Variants in TIAM1 observed in about 807,000 individuals in gnomAD.
TIAM1 encodes the protein rho guanine nucleotide exchange factor TIAM1.
TIAM1 carries 65 observed loss-of-function variants against 163.5 expected under a neutral mutation model. The observed-to-expected ratio is 0.40, with a 90% CI of 0.33 to 0.49. TIAM1 has a LOEUF of 0.49. Among genes scored for constraint, TIAM1 ranks in the 20% least tolerant of loss-of-function variants. TIAM1 has a pLI of 0.77. For synonymous variants in TIAM1, 833 were observed against 810.1 expected (o/e 1.03, Z -0.48); for missense variants, 1,789 against 2,044.7 (o/e 0.87, Z 2.41).
At chr21:31,437,580 A>G (rs1023589268) in intron 2 of TIAM1, among the ~76,000 whole-genome samples, 2 of 151,962 alleles carry the variant, frequency 1.3e-5, no homozygotes, top group Admixed American at 6.6e-5. Flanking sequence ...ATGTTGAATT[A>G]TAATCCCCAA....
chr21:31,203,155 T>C, intron 11 of TIAM1, 143 bp from the exon 12 acceptor site: 2 of 728,060 alleles, frequency 2.7e-6, no homozygotes, highest in South Asian at 3.7e-5. Context: ...GGAGTTTCAC[T>C]CTTGTTGCCC....
intron 2 of TIAM1, among the ~76,000 whole-genome samples, chr21:31,307,274 C>T (rs1275362139): frequency 6.6e-6 from 1 of 152,192 alleles, no homozygotes; most frequent in Non-Finnish European, 1.5e-5. Flanking sequence ...CTTGTCCTCA[C>T]CAGAGTATCC....
At chr21:31,552,701 T>C (rs1052154792) in intron 1 of TIAM1, among the ~76,000 whole-genome samples, 2 of 151,970 alleles carry the variant, frequency 1.3e-5, no homozygotes. Flanking sequence ...ACCTGGGAGA[T>C]GGAGGTTGCA....
intron 2 of TIAM1, among the ~76,000 whole-genome samples, chr21:31,430,335 C>G (rs2043981797): frequency 1.3e-5 from 2 of 150,932 alleles, no homozygotes; most frequent in Non-Finnish European, 2.9e-5. Flanking sequence ...ATGCGCCTCA[C>G]CGAACCCAAA....
At position 31,153,897 on chromosome 21, in the gene TIAM1, C is replaced by CA. The variant is rs58362576; in HGVS notation, c.3171+349dup. 3.2e-3 allele frequency among the ~76,000 whole-genome samples: 473 copies of CA among 149,708 alleles called. 10 individuals carry two copies. Among genetic ancestry groups the CA allele is most frequent in the South Asian group, 0.011 (50 of 4,730 alleles). The stretch of plus-strand genomic sequence containing the variant: ...GCAACATGGTGAAACCTCCTCTCTA[C>CA]AAAAAAAAACAGAAAACGGGGCTGG... On this transcript the variant is annotated intron_variant, in intron 17 of 27. Coordinates refer to ENST00000541036, the MANE Select transcript of TIAM1 (RefSeq NM_001353694.2).
chr21:31,201,119 C>A (rs1465699076), intron 12 of TIAM1, among the ~76,000 whole-genome samples: 1 of 152,194 alleles, frequency 6.6e-6, no homozygotes, highest in Non-Finnish European at 1.5e-5. Flanking sequence ...CCTGGTTAGG[C>A]ATGATCCCTA....
At chr21:31,166,356 G>A (rs2084215724) in intron 15 of TIAM1, among the ~76,000 whole-genome samples, 1 of 152,192 alleles carries the variant, frequency 6.6e-6, no homozygotes, top group African/African-American at 2.4e-5. Context: ...AGGAGCCCCT[G>A]ATGCTTTAGA....
chr21:31,142,771 G>A (rs996604947), intron 20 of TIAM1, among the ~76,000 whole-genome samples: 2 of 152,144 alleles, frequency 1.3e-5, no homozygotes, highest in African/African-American at 4.8e-5. Context: ...AAGTTAACTC[G>A]GTGGCACCAC....
intron 22 of TIAM1, among the ~76,000 whole-genome samples, chr21:31,139,157 C>T (rs906895472): frequency 6.6e-6 from 1 of 152,220 alleles, no homozygotes; most frequent in Middle Eastern, 3.2e-3. Context: ...GACTTCTGAT[C>T]ATATTCATCT....
intron 3 of TIAM1, among the ~76,000 whole-genome samples, chr21:31,272,155 C>G (rs1172618845): frequency 6.6e-6 from 1 of 152,122 alleles, no homozygotes; most frequent in Non-Finnish European, 1.5e-5. Context: ...TCATCTGACA[C>G]AAAGCGTATT....
At chr21:31,444,997 T>TAA (rs10711431) in intron 2 of TIAM1, among the ~76,000 whole-genome samples, 1 of 147,170 alleles carries the variant, frequency 6.8e-6, no homozygotes. Flanking sequence ...AAATTACATC[T>TAA]AAAAAAAAAA....
At chr21:31,490,961 C>G (rs948753825) in intron 1 of TIAM1, among the ~76,000 whole-genome samples, 2 of 152,138 alleles carry the variant, frequency 1.3e-5, no homozygotes, top group African/African-American at 2.4e-5. Flanking sequence ...CCCGTCTCTA[C>G]TAAAAATACA....
At chr21:31,341,426 G>C (rs2076011332) in intron 1 of TIAM1, among the ~76,000 whole-genome samples, 1 of 152,226 alleles carries the variant, frequency 6.6e-6, no homozygotes, top group African/African-American at 2.4e-5. Context: ...TCAGACTCAT[G>C]CATTAAATAT....
chr21:31,458,010 C>G (rs908300102), intron 2 of TIAM1, among the ~76,000 whole-genome samples: 2 of 152,206 alleles, frequency 1.3e-5, no homozygotes, highest in Non-Finnish European at 2.9e-5. Flanking sequence ...TGTTACCCAA[C>G]TAAAACTGTA....
intron 19 of TIAM1, 113 bp downstream of exon 19, chr21:31,152,523 C>A: frequency 1.4e-6 from 2 of 1,424,970 alleles, no homozygotes; most frequent in Middle Eastern, 1.8e-4. Flanking sequence ...CTCTCAGACA[C>A]CCTTAGGAAC....
intron 1 of TIAM1, among the ~76,000 whole-genome samples, chr21:31,526,960 C>T (rs557049464): frequency 6.6e-6 from 1 of 152,244 alleles, no homozygotes; most frequent in African/African-American, 2.4e-5. Context: ...CCTCAGCCTC[C>T]CAAAGTGCTG....
At chr21:31,267,801 G>A (rs1342640843) in intron 3 of TIAM1, among the ~76,000 whole-genome samples, 1 of 152,146 alleles carries the variant, frequency 6.6e-6, no homozygotes, top group Non-Finnish European at 1.5e-5. Context: ...ATTTCTGGGA[G>A]CAAATCCAAC....
intron 7 of TIAM1, among the ~76,000 whole-genome samples, chr21:31,224,707 G>A (rs2211881): frequency 0.23 from 34,485 of 152,070 alleles, 6,480 homozygotes; most frequent in African/African-American, 0.5. Context: ...ATTTTACATT[G>A]TGTGAATTTT....
At chr21:31,192,839 G>A (rs1009834046) in intron 13 of TIAM1, among the ~76,000 whole-genome samples, 15 of 152,162 alleles carry the variant, frequency 9.9e-5, no homozygotes, top group Non-Finnish European at 2.2e-4. Context: ...CCTCTGCAGA[G>A]TGACAAGCAC....
Sources: allele counts gnomAD v4.1 joint callset (sites outside exome capture counted in the v4.1 genomes callset), GRCh38; gene constraint gnomAD v4.1.1; transcripts MANE v1.5; gene names NCBI Gene and HGNC (gene_info 2026-07-23, HGNC 2026-07-21).